Variants in F13B observed in about 807,000 individuals in gnomAD.
F13B encodes the protein coagulation factor XIII B chain.
F13B carries 58 observed loss-of-function variants against 79.8 expected under a neutral mutation model. The observed-to-expected ratio is 0.73, with a 90% CI of 0.59 to 0.90. The LOEUF is 0.90. F13B is among the 40% of genes least tolerant of loss of function. The pLI, the probability that F13B is intolerant of heterozygous loss-of-function variation, is 0.00. For synonymous variants in F13B, 283 were observed against 260.3 expected (o/e 1.09, Z -0.84); for missense variants, 773 against 777.0 (o/e 0.99, Z 0.06).
At chr1:197,047,524 C>T (rs959681490) in intron 10 of F13B, among the ~76,000 whole-genome samples, 10 of 152,120 alleles carry the variant, frequency 6.6e-5, no homozygotes, top group African/African-American at 1.9e-4. Flanking sequence ...GAAATAGGAG[C>T]GCTTTTACAC....
chr1:197,063,437 C>G (rs1033616155), intron 1 of F13B, among the ~76,000 whole-genome samples: 1 of 152,122 alleles, frequency 6.6e-6, no homozygotes. Flanking sequence ...CAAGCCTCCT[C>G]TCCTGTAGCT....
At chr1:197,043,391 CA>C (rs1316536560) in intron 10 of F13B, among the ~76,000 whole-genome samples, 1 of 152,142 alleles carries the variant, frequency 6.6e-6, no homozygotes, top group Non-Finnish European at 1.5e-5. Context: ...TGACATCATC[CA>C]AACATCCTGA....
chr1:197,060,433 A>G lies in F13B; in HGVS notation c.738T>C (p.Tyr246=). Residue 246 remains tyrosine (Y), a synonymous_variant, in exon 5 of 12, where the codon TAT becomes TAC. Transcript: ENST00000367412. ...VVQFFCHENY[Y]LSGSDLIQCY... ...ATTGAATTAAATCAGATCCACTTAG[A>G]TAATAATTTTCATGACAGAAAAACT... 1 of 1,611,896 alleles carries G rather than the reference A, an allele frequency of 6.2e-7. No individual in the cohort carries two copies. The highest frequency in any genetic ancestry group is 1.7e-4 in the Middle Eastern group (1 of 6,044).
intron 2 of F13B, 31 bp from the exon 3 acceptor site, chr1:197,062,000 A>G (rs1655881855): frequency 1.3e-6 from 2 of 1,556,270 alleles, no homozygotes; most frequent in East Asian, 4.5e-5. Context: ...TAACTTAATG[A>G]TGAAACTAAG....
chr1:197,055,289 A>C (rs150037274), intron 8 of F13B, among the ~76,000 whole-genome samples: 115 of 152,156 alleles, frequency 7.6e-4, no homozygotes, highest in African/African-American at 2.7e-3. Context: ...AATATACTCT[A>C]TATAATATAC....
intron 8 of F13B, among the ~76,000 whole-genome samples, chr1:197,055,204 G>A (rs755712480): frequency 2.0e-5 from 3 of 151,946 alleles, no homozygotes; most frequent in Admixed American, 6.6e-5. Flanking sequence ...TAAGTCATTA[G>A]CAAACACTTT....
chr1:197,042,081 C>T (rs921895121), intron 10 of F13B, among the ~76,000 whole-genome samples: 1 of 152,086 alleles, frequency 6.6e-6, no homozygotes, highest in African/African-American at 2.4e-5. Context: ...TTCAATTTAA[C>T]GTTTTCAGAC....
At chr1:197,059,904 G>A (rs1655791305) in intron 5 of F13B, among the ~76,000 whole-genome samples, 1 of 151,950 alleles carries the variant, frequency 6.6e-6, no homozygotes, top group African/African-American at 2.4e-5. Context: ...TTTACAAGAT[G>A]ACCTCTTTTC....
chr1:197,044,654 A>C (rs866088831), intron 10 of F13B, among the ~76,000 whole-genome samples: 13 of 152,244 alleles, frequency 8.5e-5, no homozygotes, highest in African/African-American at 2.9e-4. Context: ...TGGACCAAGC[A>C]GACCTAATGG....
chr1:197,046,379 CAGAG>C (rs776203275), intron 10 of F13B, among the ~76,000 whole-genome samples: 24 of 152,242 alleles, frequency 1.6e-4, no homozygotes, highest in Middle Eastern at 3.4e-3. Context: ...AATAGACAAA[CAGAG>C]AGCCAAATTA....
rs762576464 is a variant in F13B, at chr1:197,052,793, T to C, written c.1396A>G (p.Ile466Val). ...VNVDYMNRNN[I>V]EMKWKYEGKV... ...CCTTCATATTTCCACTTCATTTCTATGTTATTTCTGTTCATGTAATCCACA... is the reference window on the plus strand; with the variant it reads ...CCTTCATATTTCCACTTCATTTCTACGTTATTTCTGTTCATGTAATCCACA... Residue 466 changes from isoleucine to valine, a missense_variant, in exon 9 of 12, where the codon ATA becomes GTA. By Grantham distance (29) the Ile-to-Val change is conservative (BLOSUM62 3). Coordinates refer to ENST00000367412, the MANE Select transcript of F13B (RefSeq NM_001994.3). 6.2e-6 allele frequency: 10 copies of C among 1,610,494 alleles called. No homozygotes were observed. Among genetic ancestry groups the C allele is most frequent in the South Asian group, 5.5e-5 (5 of 90,954 alleles).
Position 197,060,418 on chromosome 1 carries a change from A to C in F13B, c.753T>G (p.Asp251Glu). 1 of 1,612,508 alleles carries C rather than the reference A, an allele frequency of 6.2e-7. No individual in the cohort carries two copies. The highest frequency in any genetic ancestry group is 8.5e-7 in the Non-Finnish European group (1 of 1,178,936). ...AACCAAAGTTATAGCATTGAATTAAATCAGATCCACTTAGATAATAATTTT... is the reference window on the plus strand; with the variant it reads ...AACCAAAGTTATAGCATTGAATTAACTCAGATCCACTTAGATAATAATTTT... ...CHENYYLSGS[D>E]LIQCYNFGWY... The change falls in exon 5 of 12, where the codon GAT becomes GAG. Residue 251 changes from aspartate (D) to glutamate (E), a missense_variant. Coordinates refer to ENST00000367412, the MANE Select transcript of F13B (RefSeq NM_001994.3).
chr1:197,066,684 A>G (rs1656062040), intron 1 of F13B, among the ~76,000 whole-genome samples: 1 of 152,196 alleles, frequency 6.6e-6, no homozygotes. Flanking sequence ...CAAATGAATA[A>G]TTCATTGTGA....
intron 2 of F13B, 33 bp downstream of exon 2, chr1:197,062,824 T>C (rs1167382971): frequency 6.2e-7 from 1 of 1,606,014 alleles, no homozygotes; most frequent in South Asian, 1.1e-5. Context: ...CTTTGAGTAT[T>C]GAAACATTGA....
chr1:197,060,676 T>G (rs1655820442), intron 4 of F13B, 134 bp from the exon 5 acceptor site: 1 of 738,270 alleles, frequency 1.4e-6, no homozygotes. Flanking sequence ...TTTTATATAT[T>G]TGTTAAATAT....
At chr1:197,051,076 T>G (rs1402118640) in intron 9 of F13B, among the ~76,000 whole-genome samples, 197 bp from the exon 10 acceptor site, 1 of 151,968 alleles carries the variant, frequency 6.6e-6, no homozygotes, top group Admixed American at 6.6e-5. Context: ...GGACTACAGG[T>G]GCATTTTTCT....
At chr1:197,045,625 A>C (rs1231180842) in intron 10 of F13B, among the ~76,000 whole-genome samples, 1 of 152,250 alleles carries the variant, frequency 6.6e-6, no homozygotes, top group Non-Finnish European at 1.5e-5. Flanking sequence ...ATTCCAATCA[A>C]TAGAAAAAGA....
chr1:197,045,766 T>A (rs1003362110), intron 10 of F13B, among the ~76,000 whole-genome samples: 1 of 152,148 alleles, frequency 6.6e-6, no homozygotes, highest in Non-Finnish European at 1.5e-5. Context: ...AAATCCTCAA[T>A]AAAATACTGG....
At chr1:197,055,408 C>T (rs543543296) in intron 8 of F13B, among the ~76,000 whole-genome samples, 4 of 151,924 alleles carry the variant, frequency 2.6e-5, no homozygotes, top group Non-Finnish European at 5.9e-5. Flanking sequence ...GGGCTGTATA[C>T]CAGGGAGGGA....
Sources: allele counts gnomAD v4.1 joint callset (sites outside exome capture counted in the v4.1 genomes callset), GRCh38; gene constraint gnomAD v4.1.1; transcripts MANE v1.5; gene names NCBI Gene and HGNC (gene_info 2026-07-23, HGNC 2026-07-21).